Variants in SPDYE10 observed in about 807,000 individuals in gnomAD.
The protein encoded by SPDYE10 is speedy protein E10.
the SPDYE10 span, among the ~76,000 whole-genome samples, chr7:73,142,763 C>T: frequency 6.6e-6 from 1 of 152,060 alleles, no homozygotes; most frequent in East Asian, 1.9e-4. Context: ...ATGGTGAACC[C>T]CCATCTCCGC....
the SPDYE10 span, among the ~76,000 whole-genome samples, chr7:73,152,258 CT>C: frequency 1.2e-4 from 17 of 137,198 alleles, no homozygotes; most frequent in Non-Finnish European, 2.5e-4. Context: ...TGTGATCTGC[CT>C]GCTTTGGCTT....
the SPDYE10 span, among the ~76,000 whole-genome samples, chr7:73,142,813 G>C: frequency 6.6e-6 from 1 of 151,998 alleles, no homozygotes; most frequent in African/African-American, 2.4e-5. Context: ...GGCGCCTGTA[G>C]TCCCAGCTAC....
chr7:73,142,967 AGAGG>A, the SPDYE10 span, among the ~76,000 whole-genome samples: 86 of 101,164 alleles, frequency 8.5e-4, no homozygotes, highest in East Asian at 9.7e-3. Flanking sequence ...AGGGAAGGAG[AGAGG>A]GAGGGAGGGA....
the SPDYE10 span, among the ~76,000 whole-genome samples, chr7:73,147,368 C>T: frequency 2.3e-5 from 3 of 128,970 alleles, no homozygotes; most frequent in Non-Finnish European, 3.2e-5. Context: ...CGGGATCTCA[C>T]CATATTGACC....
chr7:73,142,733 TC>T, the SPDYE10 span, among the ~76,000 whole-genome samples: 1 of 152,008 alleles, frequency 6.6e-6, no homozygotes, highest in Non-Finnish European at 1.5e-5. Flanking sequence ...GGTCAGGAGT[TC>T]GAGACCAGCT....
At chr7:73,141,070 C>CCACACACACA in the SPDYE10 span, among the ~76,000 whole-genome samples, 74 of 136,130 alleles carry the variant, frequency 5.4e-4, no homozygotes, top group Admixed American at 1.3e-3. Context: ...TCCATTTCTA[C>CCACACACACA]CACACACACA....
At chr7:73,114,815 G>C in the SPDYE10 span, among the ~76,000 whole-genome samples, 6 of 150,300 alleles carry the variant, frequency 4.0e-5, no homozygotes, top group Non-Finnish European at 7.4e-5. Context: ...TGGGGTTACA[G>C]GTTGGAGCCA....
the SPDYE10 span, among the ~76,000 whole-genome samples, chr7:73,136,182 T>TCTTC: frequency 2.7e-5 from 1 of 37,264 alleles, no homozygotes; most frequent in Non-Finnish European, 5.6e-5. Context: ...CTGGCCTATG[T>TCTTC]CTTTCTTTCT....
At chr7:73,116,703 C>T in the SPDYE10 span, among the ~76,000 whole-genome samples, 1 of 150,306 alleles carries the variant, frequency 6.7e-6, no homozygotes. Flanking sequence ...CCTGCTTCAG[C>T]CTTCCAAGTA....
chr7:73,116,898 T>G, the SPDYE10 span, among the ~76,000 whole-genome samples: 21 of 134,406 alleles, frequency 1.6e-4, no homozygotes, highest in African/African-American at 4.8e-4. Flanking sequence ...AACAGATTTG[T>G]TTTTTTTTTT....
chr7:73,115,411 C>T, the SPDYE10 span, among the ~76,000 whole-genome samples: 1 of 151,752 alleles, frequency 6.6e-6, no homozygotes, highest in Non-Finnish European at 1.5e-5. Flanking sequence ...ACTCCCCTGG[C>T]CCTGCTGACA....
the SPDYE10 span, among the ~76,000 whole-genome samples, chr7:73,120,743 G>A: frequency 2.0e-5 from 3 of 148,678 alleles, no homozygotes; most frequent in Admixed American, 6.6e-5. Flanking sequence ...AGCCAAGATC[G>A]TGTCTCTGCA....
the SPDYE10 span, among the ~76,000 whole-genome samples, chr7:73,154,763 A>C: frequency 0.049 from 7,113 of 145,934 alleles, 1 homozygote; most frequent in Non-Finnish European, 0.077. Context: ...TTTCCCGTGC[A>C]CCGGGCTGCC....
At chr7:73,142,790 G>A in the SPDYE10 span, among the ~76,000 whole-genome samples, 45 of 152,154 alleles carry the variant, frequency 3.0e-4, no homozygotes, top group Admixed American at 5.2e-4. Flanking sequence ...AAAATTAGCC[G>A]GGTGTGGTGG....
the SPDYE10 span, among the ~76,000 whole-genome samples, chr7:73,130,311 T>A: frequency 6.6e-6 from 1 of 151,780 alleles, no homozygotes; most frequent in African/African-American, 2.4e-5. Flanking sequence ...AAAAAAAAAA[T>A]CAACTAACCA....
the SPDYE10 span, among the ~76,000 whole-genome samples, chr7:73,152,146 C>T: frequency 4.3e-5 from 6 of 140,406 alleles, no homozygotes; most frequent in South Asian, 7.0e-4. Flanking sequence ...TCCCAAGTAG[C>T]TGGGATTACA....
chr7:73,134,412 C>T, the SPDYE10 span, among the ~76,000 whole-genome samples: 1 of 150,294 alleles, frequency 6.7e-6, no homozygotes, highest in African/African-American at 2.5e-5. Flanking sequence ...AGGAGATATA[C>T]CCAATGTAAA....
the SPDYE10 span, among the ~76,000 whole-genome samples, chr7:73,134,557 G>GAAAGAAAGAAAGAAAGAAAGAA: frequency 6.6e-6 from 1 of 152,118 alleles, no homozygotes; most frequent in Non-Finnish European, 1.5e-5. Flanking sequence ...AAGAAAGAAA[G>GAAAGAAAGAAAGAAAGAAAGAA]AAAGAAAGAA....
the SPDYE10 span, among the ~76,000 whole-genome samples, chr7:73,127,777 A>G: frequency 0.012 from 1,370 of 111,454 alleles, 4 homozygotes; most frequent in African/African-American, 0.045. Flanking sequence ...GCAACAATAT[A>G]TCATTTTACA....
Sources: gnomAD v4.1 joint callset for allele counts (sites outside exome capture counted in the v4.1 genomes callset) on GRCh38, gnomAD v4.1.1 for gene constraint, MANE v1.5 for transcripts, NCBI Gene and HGNC (gene_info 2026-07-23, HGNC 2026-07-21) for gene names.